Variants in IL16 observed in about 807,000 individuals in gnomAD.
IL16 encodes interleukin 16.
IL16 carries 67 observed loss-of-function variants against 110.1 expected under a neutral mutation model. That is an observed-to-expected ratio of 0.61 (90% CI 0.50 to 0.75). The LOEUF (loss-of-function observed/expected upper bound fraction) is 0.75. Among genes scored for constraint, IL16 ranks in the 30% least tolerant of loss-of-function variants. The pLI is 0.00. For missense variants in IL16, 1,545 were observed against 1,655.0 expected (o/e 0.93, Z 1.15); for synonymous variants, 689 against 662.9 (o/e 1.04, Z -0.61).
At chr15:81,228,048 G>T (rs1896845722) in intron 2 of IL16, among the ~76,000 whole-genome samples, 1 of 152,116 alleles carries the variant, frequency 6.6e-6, no homozygotes, top group Non-Finnish European at 1.5e-5. Flanking sequence ...AGGGTGCGCA[G>T]TTGTACTAAG....
At chr15:81,190,350 A>C (rs1895480747) in intron 1 of IL16, among the ~76,000 whole-genome samples, 1 of 152,206 alleles carries the variant, frequency 6.6e-6, no homozygotes, top group Non-Finnish European at 1.5e-5. Flanking sequence ...AAGCCCACCC[A>C]TGTGATAGGG....
intron 10 of IL16, chr15:81,290,173 G>A: frequency 2.2e-6 from 1 of 462,408 alleles, no homozygotes; most frequent in Non-Finnish European, 3.8e-6. Context: ...TGGTAACTTT[G>A]CCTAGAATTT....
At chr15:81,296,654 T>C (rs4778889) in intron 12 of IL16, among the ~76,000 whole-genome samples, 36,715 of 152,024 alleles carry the variant, frequency 0.24, 5,179 homozygotes, top group African/African-American at 0.4. Flanking sequence ...GTTCCTATCA[T>C]AAAGAGTCAG....
rs1172881057 is a variant in IL16 at position 81,299,737 on chromosome 15, C to T, written c.2411C>T (p.Ser804Leu). 1.9e-6 allele frequency: 3 copies of T among 1,614,210 alleles called. 1 individual carries two copies. In the South Asian group the frequency reaches 3.3e-5, roughly 18 times the overall value. ...QSLKGLRNRA[S>L]DPRGLPDPAL... is the part of the protein sequence containing the mutation. ...TTGAAAGGTTTGAGGAATCGTGCTT[C>T]AGACCCAAGAGGGCTCCCTGATCCT... Residue 804 changes from serine to leucine, a missense_variant, in exon 14 of 19, where the codon TCA (serine) becomes TTA (leucine). Transcript: ENST00000683961.
At chr15:81,270,610 C>T (rs1303934085) in intron 5 of IL16, among the ~76,000 whole-genome samples, 1 of 152,198 alleles carries the variant, frequency 6.6e-6, no homozygotes, top group African/African-American at 2.4e-5. Flanking sequence ...TCTGAAGGAC[C>T]CATTTTCTGA....
intron 8 of IL16, 92 bp from the exon 9 acceptor site, chr15:81,282,547 C>G: frequency 3.4e-6 from 3 of 885,328 alleles, no homozygotes; most frequent in Non-Finnish European, 5.6e-6. Flanking sequence ...CTGTAATAAC[C>G]AGGGGGCCAT....
intron 2 of IL16, among the ~76,000 whole-genome samples, chr15:81,236,038 A>G (rs977763428): frequency 4.8e-4 from 73 of 152,182 alleles, no homozygotes; most frequent in African/African-American, 1.6e-3. Flanking sequence ...CCACATGAGA[A>G]TGACCTCCAT....
intron 1 of IL16, among the ~76,000 whole-genome samples, chr15:81,223,573 C>T (rs182510282): frequency 5.3e-4 from 80 of 152,346 alleles, no homozygotes; most frequent in African/African-American, 1.9e-3. Flanking sequence ...CACCTAACCT[C>T]TCTGTGCCTT....
intron 2 of IL16, among the ~76,000 whole-genome samples, chr15:81,243,065 T>C (rs758856927): frequency 6.8e-6 from 1 of 148,106 alleles, no homozygotes; most frequent in Non-Finnish European, 1.5e-5. Context: ...ATAATTCCAC[T>C]TGGTCATCAT....
rs551446751 is a variant in IL16 at position 81,218,109 on chromosome 15, T to C, written c.-101-7190T>C. Among the ~76,000 whole-genome samples, 8 of 152,290 alleles carry C rather than the reference T, an allele frequency of 5.3e-5. 1 individual carries two copies. The South Asian group carries it at 1.7e-3, about 32-fold the overall frequency. On this transcript the variant is annotated intron_variant, in intron 1 of 18. Coordinates refer to ENST00000683961, the MANE Select transcript of IL16 (RefSeq NM_172217.5). The stretch of plus-strand genomic sequence containing the variant: ...TTGTTAATGTTCAGAGGTTACATGA[T>C]TGAAAATTCAAAATAACCTACTGAA...
chr15:81,244,441 A>T (rs1410758458), intron 2 of IL16, among the ~76,000 whole-genome samples: 2 of 152,074 alleles, frequency 1.3e-5, no homozygotes, highest in Non-Finnish European at 2.9e-5. Flanking sequence ...CTTTCATTTC[A>T]GAAAAAAATA....
Position 81,292,961 on chromosome 15 carries a change from GTGACCCTCA to G in IL16, c.1827_1835del (p.Ser609_Gln612delinsArg), listed in dbSNP as rs754510610. 7 of 1,613,980 alleles carry G rather than the reference GTGACCCTCA, an allele frequency of 4.3e-6. 1 individual carries two copies. The Admixed American group carries it at 1.2e-4, about 27-fold the overall frequency. ...CCCAGAAAATACTTTAAAAGTGACA[GTGACCCTCA>G]GAAGAGTCTGGAAGAGAGAGAGAAC... On this transcript the variant is annotated inframe_deletion, in exon 12 of 19. Coordinates refer to ENST00000683961, the MANE Select transcript of IL16 (RefSeq NM_172217.5).
At chr15:81,277,655 G>T (rs554561979) in intron 6 of IL16, among the ~76,000 whole-genome samples, 1 of 151,980 alleles carries the variant, frequency 6.6e-6, no homozygotes, top group Non-Finnish European at 1.5e-5. Context: ...TGTTGCCCAG[G>T]GTGCCCCCAT....
chr15:81,232,042 G>GTTTTTTTTTTTTTTTTTTTTTTTTTTT, intron 2 of IL16, among the ~76,000 whole-genome samples: 5 of 57,702 alleles, frequency 8.7e-5, no homozygotes, highest in African/African-American at 1.3e-4. Context: ...ATTTGTTCTT[G>GTTTTTTTTTTTTTTTTTTTTTTTTTTT]TTTTTTTTTT....
rs534501956 is a variant in IL16 at position 81,204,692 on chromosome 15, C to G, written c.-102+7540C>G. ...ACATGGCACATGTATACGTATGTAA[C>G]AAACCTGCACGTTGTGCACATGTAC... On this transcript the variant is annotated intron_variant, in intron 1 of 18. Transcript: ENST00000683961. Among the ~76,000 whole-genome samples the G allele has an allele frequency of 3.4e-5, 5 of 148,728 alleles. No homozygotes were observed. In the East Asian group the frequency reaches 7.9e-4, roughly 24 times the overall value.
At chr15:81,288,113 A>G (rs974292574) in intron 10 of IL16, among the ~76,000 whole-genome samples, 4 of 152,214 alleles carry the variant, frequency 2.6e-5, no homozygotes, top group Non-Finnish European at 4.4e-5. Flanking sequence ...TGCTCAGATA[A>G]GGGAGCCAGG....
chr15:81,235,104 G>A (rs1319842416), intron 2 of IL16, among the ~76,000 whole-genome samples: 1 of 152,106 alleles, frequency 6.6e-6, no homozygotes, highest in Non-Finnish European at 1.5e-5. Flanking sequence ...AGCTACCCTG[G>A]TACCTCTCCA....
intron 12 of IL16, chr15:81,295,500 A>G (rs764486325): frequency 3.9e-6 from 5 of 1,289,534 alleles, no homozygotes; most frequent in Admixed American, 4.6e-5. Context: ...ACAGATGTCA[A>G]CTTACAGAGC....
chr15:81,221,654 A>G (rs1230380948), intron 1 of IL16, among the ~76,000 whole-genome samples: 1 of 151,376 alleles, frequency 6.6e-6, no homozygotes, highest in Non-Finnish European at 1.5e-5. Flanking sequence ...CTTCTCTACT[A>G]CAGCTCTTTT....
Sources: allele counts gnomAD v4.1 joint callset (sites outside exome capture counted in the v4.1 genomes callset), GRCh38; gene constraint gnomAD v4.1.1; transcripts MANE v1.5; gene names NCBI Gene and HGNC (gene_info 2026-07-23, HGNC 2026-07-21).